Variants in MDM4 observed in about 807,000 individuals in gnomAD.
MDM4 encodes the protein protein Mdm4.
MDM4 carries 2 observed loss-of-function variants against 60.2 expected under a neutral mutation model. The observed-to-expected ratio is 0.03, with a 90% CI of 0.01 to 0.10. The LOEUF is 0.10. Among genes scored for constraint, MDM4 ranks in the 10% least tolerant of loss-of-function variants. MDM4 has a pLI of 1.00. For missense variants in MDM4, 447 were observed against 577.5 expected (o/e 0.77, Z 2.32); for synonymous variants, 202 against 198.1 (o/e 1.02, Z -0.17).
chr1:204,522,684 C>A (rs766685487), intron 1 of MDM4, among the ~76,000 whole-genome samples: 26 of 152,070 alleles, frequency 1.7e-4, no homozygotes, highest in Non-Finnish European at 3.2e-4. Context: ...AGATTATAGG[C>A]GTGAGCCACC....
chr1:204,552,766 T>C lies in MDM4; in HGVS notation c.*3084T>C, dbSNP rs538342932. 3.5e-4 allele frequency: 65 copies of C among 186,392 alleles called. No homozygotes were observed. Among genetic ancestry groups the C allele is most frequent in the Non-Finnish European group, 6.2e-4 (55 of 88,186 alleles). 11.5% of individuals were successfully genotyped at this position (186,392 alleles called of 1,614,324 possible). On this transcript the variant is annotated 3_prime_UTR_variant, in exon 11 of 11. Coordinates refer to ENST00000367182, the MANE Select transcript of MDM4 (RefSeq NM_002393.5). ...CTCTTCCTGCTTGCCCACCGGGGTT[T>C]TTCACTGCTTCTGTTAGCACTAAGT...
chr1:204,548,804 A>G (rs540512185), intron 10 of MDM4, among the ~76,000 whole-genome samples: 4 of 152,354 alleles, frequency 2.6e-5, no homozygotes, highest in African/African-American at 9.6e-5. Flanking sequence ...AATAACTCCA[A>G]AGAAGCCCAT....
At chr1:204,526,175 G>A (rs1412867740) in intron 2 of MDM4, among the ~76,000 whole-genome samples, 185 bp from the exon 3 acceptor site, 1 of 152,156 alleles carries the variant, frequency 6.6e-6, no homozygotes, top group Non-Finnish European at 1.5e-5. Flanking sequence ...AGGATCAGTT[G>A]AGTCTGGGAG....
In MDM4 at chr1:204,526,480, T is replaced by C. The variant is rs1244843348; in HGVS notation, c.153+46T>C. On this transcript the variant is annotated intron_variant, in intron 3 of 10. Transcript: ENST00000367182. ...CTCATTTTTTTTGTTTTTTTTTTTTTTGAGATGGAGTCTCCCTCTTTTGCC... is the reference window on the plus strand; with the variant it reads ...CTCATTTTTTTTGTTTTTTTTTTTTCTGAGATGGAGTCTCCCTCTTTTGCC... The C allele has an allele frequency of 4.9e-6, 7 of 1,428,734 alleles. No homozygotes were observed. The Admixed American group carries it at 1.4e-4, about 28-fold the overall frequency. The allele number at this position is 1,428,734 out of a possible 1,614,324, so 88.5% of individuals were successfully genotyped here.
rs967333169 is a variant in MDM4, at chr1:204,555,846, CAGAG to C, written c.*6166_*6169del. 5 of 184,402 alleles carry C rather than the reference CAGAG, an allele frequency of 2.7e-5. No homozygotes were observed. The highest frequency in any genetic ancestry group is 1.2e-4 in the African/African-American group (5 of 42,584). The allele number at this position is 184,402 out of a possible 1,614,324, so 11.4% of individuals were successfully genotyped here. On this transcript the variant is annotated 3_prime_UTR_variant, in exon 11 of 11. Transcript: ENST00000367182. ...CACCACTGCGCTCCCACCTGGGTGA[CAGAG>C]ACTCTGTCTCAAAAAAAAGGACATT...
chr1:204,544,746 AT>A, intron 9 of MDM4, 62 bp downstream of exon 9: 2 of 1,453,530 alleles, frequency 1.4e-6, no homozygotes, highest in Non-Finnish European at 1.9e-6. Flanking sequence ...ATCTGTTGAG[AT>A]TTCTTTGTAT....
chr1:204,544,558 A>C lies in MDM4; in HGVS notation c.696A>C (p.Ser232=), dbSNP rs758997927. ...AGGATGTGGGTACTGCCATTGTTTC[A>C]GATACTACAGATGACTTGTGGTTTT... The part of the protein sequence containing the change: ...TNQDVGTAIV[S]DTTDDLWFLN... The change falls in exon 9 of 11, where the codon TCA becomes TCC. Residue 232 remains serine (S), a synonymous_variant. Coordinates refer to ENST00000367182, the MANE Select transcript of MDM4 (RefSeq NM_002393.5). 7.4e-6 allele frequency: 12 copies of C among 1,612,280 alleles called. No individual in the cohort carries two copies. Among genetic ancestry groups the C allele is most frequent in the Non-Finnish European group, 1.0e-5 (12 of 1,178,858 alleles).
In MDM4 at chr1:204,549,917, A is replaced by T. The variant is rs1378309915; in HGVS notation, c.*235A>T. 2.7e-6 allele frequency: 1 copy of T among 364,786 alleles called. No homozygotes were observed. The highest frequency in any genetic ancestry group is 4.9e-6 in the Non-Finnish European group (1 of 204,048). 22.6% of individuals were successfully genotyped at this position (364,786 alleles called of 1,614,324 possible). On this transcript the variant is annotated 3_prime_UTR_variant, in exon 11 of 11. Transcript: ENST00000367182. The stretch of plus-strand genomic sequence containing the variant: ...CAGCAGTCAGGTACATAGTTAGGTG[A>T]ACCCAAAAGAAAAACTCTTGAAAAC...
At chr1:204,536,359 T>C (rs10458588) in intron 5 of MDM4, among the ~76,000 whole-genome samples, 58,196 of 152,140 alleles carry the variant, frequency 0.38, 13,253 homozygotes, top group Non-Finnish European at 0.49. Flanking sequence ...TTGTCTCCGT[T>C]TGTCCACAAA....
chr1:204,549,667 G>A lies in MDM4; in HGVS notation c.1458G>A (p.Lys486=), dbSNP rs1167805097. ...ICKKEIQLVI[K]VFIA ...AGAAAGAGATTCAGCTGGTTATTAA[G>A]GTTTTTATAGCATAATGGTAGTACG... The change falls in exon 11 of 11, where the codon AAG becomes AAA. Residue 486 remains lysine (K), a synonymous_variant. Transcript: ENST00000367182. 6.4e-7 allele frequency: 1 copy of A among 1,551,594 alleles called. No homozygotes were observed. Among genetic ancestry groups the A allele is most frequent in the Non-Finnish European group, 8.7e-7 (1 of 1,151,222 alleles).
chr1:204,555,040 T>C lies in MDM4; in HGVS notation c.*5358T>C, dbSNP rs1281085070. 1 of 218,188 alleles carries C rather than the reference T, an allele frequency of 4.6e-6. No individual in the cohort carries two copies. Among genetic ancestry groups the C allele is most frequent in the African/African-American group, 2.2e-5 (1 of 44,570 alleles). The allele number at this position is 218,188 out of a possible 1,614,324, so 13.5% of individuals were successfully genotyped here. On this transcript the variant is annotated 3_prime_UTR_variant, in exon 11 of 11. Coordinates refer to ENST00000367182, the MANE Select transcript of MDM4 (RefSeq NM_002393.5). Reference sequence around the variant, plus strand: ...TGTCTGCAGAAAGAGATAGCTAATATTTTTTGGTACTTTATCTGAAATCCA... The same window carrying C: ...TGTCTGCAGAAAGAGATAGCTAATACTTTTTGGTACTTTATCTGAAATCCA...
In MDM4 at chr1:204,529,115, G is replaced by T. The variant is rs951114168; in HGVS notation, c.154-1569G>T. On this transcript the variant is annotated intron_variant, in intron 3 of 10. Transcript: ENST00000367182. ...AGCTAATGGAGCCTGAGTTGTCCCA[G>T]TCATAACTGCTGGAAGAGCTGCTTC... The T allele has an allele frequency of 1.9e-5, 23 of 1,239,266 alleles. No individual in the cohort carries two copies. In the African/African-American group the frequency reaches 3.0e-4, roughly 16 times the overall value. 76.8% of individuals were successfully genotyped at this position (1,239,266 alleles called of 1,614,324 possible). A position where few individuals can be genotyped will look rare whatever the true frequency, so the allele number is the denominator to read the frequency against.
chr1:204,537,769 G>A (rs1377215822), intron 6 of MDM4: 2 of 603,310 alleles, frequency 3.3e-6, no homozygotes, highest in African/African-American at 3.7e-5. Flanking sequence ...CTGTGTGTGT[G>A]TGTTTGAGGA....
chr1:204,518,059 G>A (rs1207937384), intron 1 of MDM4, among the ~76,000 whole-genome samples: 2 of 152,176 alleles, frequency 1.3e-5, no homozygotes, highest in African/African-American at 4.8e-5. Flanking sequence ...AAGAGACTGA[G>A]GTGGGAGGAT....
chr1:204,519,062 G>A (rs1210729083), intron 1 of MDM4, among the ~76,000 whole-genome samples: 1 of 152,150 alleles, frequency 6.6e-6, no homozygotes, highest in African/African-American at 2.4e-5. Context: ...TCCAAATGAA[G>A]GGACGATTTG....
rs558936251 is a variant in MDM4 at position 204,543,887 on chromosome 1, C to T, written c.673-648C>T. On this transcript the variant is annotated intron_variant, in intron 8 of 10. Coordinates refer to ENST00000367182, the MANE Select transcript of MDM4 (RefSeq NM_002393.5). The stretch of plus-strand genomic sequence containing the variant: ...CTTTTGTATTATTCACTACTTTTTC[C>T]ATTACCTGGTACCTAGAACAGTATG... Among the ~76,000 whole-genome samples, 16 of 152,272 alleles carry T rather than the reference C, an allele frequency of 1.1e-4. No individual in the cohort carries two copies. The South Asian group carries it at 3.1e-3, about 30-fold the overall frequency.
rs1164967420 is a variant in MDM4 at position 204,553,676 on chromosome 1, T to TGACA, written c.*3995_*3998dup. On this transcript the variant is annotated 3_prime_UTR_variant, in exon 11 of 11. Coordinates refer to ENST00000367182, the MANE Select transcript of MDM4 (RefSeq NM_002393.5). ...TTGGGCGAAAAGTTCAGAGCAGAGA[T>TGACA]GACAAATCATTAGAACAACGATGAA... 1.3e-5 allele frequency: 3 copies of TGACA among 227,658 alleles called. No individual in the cohort carries two copies. Among genetic ancestry groups the TGACA allele is most frequent in the Non-Finnish European group, 2.6e-5 (3 of 114,648 alleles). The allele number at this position is 227,658 out of a possible 1,614,324, so 14.1% of individuals were successfully genotyped here.
At chr1:204,549,090 A>G in intron 10 of MDM4, 23 bp from the exon 11 acceptor site, 1 of 1,452,368 alleles carries the variant, frequency 6.9e-7, no homozygotes. Flanking sequence ...CTGAGTATTA[A>G]TTGGCTTCAC....
chr1:204,548,613 C>G (rs1464884616), intron 10 of MDM4, among the ~76,000 whole-genome samples: 2 of 152,088 alleles, frequency 1.3e-5, no homozygotes, highest in Non-Finnish European at 1.5e-5. Context: ...ACAGTTACAC[C>G]TATAATTCTG....
Sources: allele counts gnomAD v4.1 joint callset (sites outside exome capture counted in the v4.1 genomes callset), GRCh38; gene constraint gnomAD v4.1.1; transcripts MANE v1.5; gene names NCBI Gene and HGNC (gene_info 2026-07-23, HGNC 2026-07-21).